GRK1: variants seen among roughly 807,000 people sequenced by gnomAD.
GRK1 encodes G protein-coupled receptor kinase 1, also known as rhodopsin kinase GRK1.
Under a neutral mutation model 41.7 loss-of-function variants are expected in GRK1, and 28 were observed. The observed-to-expected ratio is 0.67, with a 90% CI of 0.50 to 0.92. The LOEUF is 0.92. GRK1 is among the 40% of genes least tolerant of loss of function. GRK1 has a pLI of 0.00. For synonymous variants in GRK1, 327 were observed against 286.7 expected (o/e 1.14, Z -1.42); for missense variants, 703 against 671.2 (o/e 1.05, Z -0.52).
In GRK1 at chr13:113,735,067, G is replaced by A. The variant is rs1250024621; in HGVS notation, c.1397-1G>A. The A allele has an allele frequency of 6.6e-7, 1 of 1,510,138 alleles. No homozygotes were observed. Among genetic ancestry groups the A allele is most frequent in the East Asian group, 2.5e-5 (1 of 40,116 alleles). The allele number at this position is 1,510,138 out of a possible 1,614,324, so 93.5% of individuals were successfully genotyped here. ...GCGTCTGTGTTTTCTGTCTCCCACA[G>A]GGATGCTGATGCCCCCTTTCATCCC... is the stretch of plus-strand genomic sequence containing the variant. On this transcript the variant is annotated splice_acceptor_variant, in intron 6 of 6. Transcript: ENST00000335678. LOFTEE classifies it high-confidence loss of function.
chr13:113,658,689 G>A, the GRK1 span, among the ~76,000 whole-genome samples: 1 of 152,210 alleles, frequency 6.6e-6, no homozygotes, highest in African/African-American at 2.4e-5. Flanking sequence ...CCTGGCAGCT[G>A]GAGCTGGGTT....
rs1302693856 is a variant in GRK1 at position 113,671,719 on chromosome 13, G to C, written c.985+63G>C. 1 of 700,406 alleles carries C rather than the reference G, an allele frequency of 1.4e-6. No homozygotes were observed. The highest frequency in any genetic ancestry group is 2.6e-6 in the Non-Finnish European group (1 of 384,886). The allele number at this position is 700,406 out of a possible 1,614,324, so 43.4% of individuals were successfully genotyped here. On this transcript the variant is annotated intron_variant, in intron 3 of 6. Coordinates refer to ENST00000335678, the MANE Select transcript of GRK1 (RefSeq NM_002929.3). This position sits in a 1 kb window ranked among gnomAD's most constrained non-coding sequence, Gnocchi z 4.1. ...GAGGAGGGCGGGGCGCAGCTTCCTTGGGGGTCTCTGCACAACCTCACGAGG... is the reference window on the plus strand; with the variant it reads ...GAGGAGGGCGGGGCGCAGCTTCCTTCGGGGTCTCTGCACAACCTCACGAGG...
the GRK1 span, among the ~76,000 whole-genome samples, chr13:113,654,270 G>A: frequency 6.6e-6 from 1 of 152,198 alleles, no homozygotes; most frequent in Non-Finnish European, 1.5e-5. Flanking sequence ...GAGGGAAAAG[G>A]AGGTTCTGCA....
At position 113,671,466 on chromosome 13, in the gene GRK1, C is replaced by T. The variant is rs1260398840; in HGVS notation, c.828-33C>T. 6 of 777,116 alleles carry T rather than the reference C, an allele frequency of 7.7e-6. No homozygotes were observed. Among genetic ancestry groups the T allele is most frequent in the South Asian group, 2.7e-5 (2 of 74,578 alleles). 48.1% of individuals were successfully genotyped at this position (777,116 alleles called of 1,614,324 possible). ...CCATGATTTTACTCCCCATTAAACCCGGGGTGCATGGTTCCCACGTGTCTT... is the reference window on the plus strand; with the variant it reads ...CCATGATTTTACTCCCCATTAAACCTGGGGTGCATGGTTCCCACGTGTCTT... On this transcript the variant is annotated intron_variant, in intron 2 of 6. Coordinates refer to ENST00000335678, the MANE Select transcript of GRK1 (RefSeq NM_002929.3). This position sits in a 1 kb window ranked among gnomAD's most constrained non-coding sequence, Gnocchi z 4.1.
rs747218868 is a variant in GRK1 at position 113,733,748 on chromosome 13, CAT to C, written c.1396+664_1396+665del. ...GTGCGCGCGTGTGTATGTGTGCATACATGTGTGTGCGTGTGTATGTGTGTGCA... is the reference window on the plus strand; with the variant it reads ...GTGCGCGCGTGTGTATGTGTGCATACGTGTGTGCGTGTGTATGTGTGTGCA... On this transcript the variant is annotated intron_variant, in intron 6 of 6. Transcript: ENST00000335678. 5.5e-3 allele frequency among the ~76,000 whole-genome samples: 640 copies of C among 116,538 alleles called. 13 individuals carry two copies. The highest frequency in any genetic ancestry group is 0.022 in the African/African-American group (553 of 25,614). The allele number at this position is 116,538 out of a possible 152,430, so 76.5% of individuals were successfully genotyped here.
chr13:113,653,185 C>T, the GRK1 span: 176 of 1,427,722 alleles, frequency 1.2e-4, no homozygotes, highest in African/African-American at 3.8e-4. Context: ...TAGAAAAGGC[C>T]GAAGCTGTGG....
chr13:113,733,902 TGTGCATACA>T (rs1188617118), intron 6 of GRK1, among the ~76,000 whole-genome samples: 2 of 121,300 alleles, frequency 1.6e-5, no homozygotes, highest in Non-Finnish European at 1.6e-5. Context: ...TGTGTGTATG[TGTGCATACA>T]GTGTGCGTGT....
intron 6 of GRK1, among the ~76,000 whole-genome samples, chr13:113,734,056 G>C (rs377674534): frequency 0.13 from 19,104 of 151,324 alleles, 1,380 homozygotes; most frequent in Middle Eastern, 0.22. Context: ...GCATACGTGT[G>C]TGTGCATGTG....
chr13:113,671,637 C>T lies in GRK1; in HGVS notation c.966C>T (p.Asn322=), dbSNP rs753093641. Residue 322 remains asparagine, a synonymous_variant, in exon 3 of 7, where the codon AAC becomes AAT. Transcript: ENST00000335678. This position sits in a 1 kb window ranked among gnomAD's most constrained non-coding sequence, Gnocchi z 4.1. The part of the protein sequence containing the change: ...RIVYRDLKPE[N]VLLDNDGNVR... Reference sequence around the variant, plus strand: ...TCTACCGCGACCTCAAGCCCGAGAACGTGCTGCTGGACAATGACGGTAGGA... The same window carrying T: ...TCTACCGCGACCTCAAGCCCGAGAATGTGCTGCTGGACAATGACGGTAGGA... The T allele has an allele frequency of 5.1e-5, 39 of 766,490 alleles. No individual in the cohort carries two copies. Among genetic ancestry groups the T allele is most frequent in the South Asian group, 3.5e-4 (26 of 74,242 alleles). The allele number at this position is 766,490 out of a possible 1,614,324, so 47.5% of individuals were successfully genotyped here. A position where few individuals can be genotyped will look rare whatever the true frequency, so the allele number is the denominator to read the frequency against.
the GRK1 span, chr13:113,650,535 C>A: frequency 1.3e-6 from 2 of 1,584,468 alleles, no homozygotes; most frequent in South Asian, 1.1e-5. This position sits in a 1 kb window ranked among gnomAD's most constrained non-coding sequence, Gnocchi z 5.0. Context: ...CTGCCTGAGT[C>A]AGGCGGGAGC....
intron 6 of GRK1, among the ~76,000 whole-genome samples, chr13:113,733,955 CATACGT>C (rs1566700456): frequency 1.5e-4 from 18 of 119,876 alleles, no homozygotes; most frequent in African/African-American, 5.4e-4. Context: ...CGTGTGTGTG[CATACGT>C]GTGTGTGCGT....
intron 4 of GRK1, among the ~76,000 whole-genome samples, chr13:113,727,539 A>C (rs2049897078): frequency 1.3e-5 from 2 of 151,910 alleles, no homozygotes; most frequent in African/African-American, 4.8e-5. Context: ...ATGAGTACCC[A>C]TGGCAATGAG....
chr13:113,651,773 C>G, the GRK1 span: 4 of 1,602,942 alleles, frequency 2.5e-6, no homozygotes, highest in African/African-American at 5.3e-5. Context: ...CCCCCACCGC[C>G]ATGTGAGGTG....
intron 3 of GRK1, among the ~76,000 whole-genome samples, chr13:113,672,431 GGT>G (rs1436773122): frequency 6.6e-6 from 1 of 151,980 alleles, no homozygotes; most frequent in African/African-American, 2.4e-5. Context: ...TTCGTGGTGT[GGT>G]GTGTGTGGTA....
At chr13:113,655,037 T>G in the GRK1 span, 1 of 1,511,858 alleles carries the variant, frequency 6.6e-7, no homozygotes, top group Non-Finnish European at 9.0e-7. Context: ...GGCGTGACCA[T>G]CTTCCCTACC....
upstream of GRK1, among the ~76,000 whole-genome samples, chr13:113,664,102 T>C (rs1286458175): frequency 6.6e-6 from 1 of 152,132 alleles, no homozygotes; most frequent in Non-Finnish European, 1.5e-5. The surrounding 1 kb of genome is among the most constrained non-coding windows in gnomAD (Gnocchi z 5.4). Context: ...AGGGAATGGC[T>C]GACACCTGGG....
Position 113,667,766 on chromosome 13 carries a change from A to T in GRK1, c.380A>T (p.Asp127Val). ...GCCAAACTCTTCTGCAGCTTCCTGG[A>T]TGAGGGGATAGTGGCGAAGTTTAAG... The part of the protein sequence containing the change: ...PQAKLFCSFL[D>V]EGIVAKFKEG... Residue 127 changes from aspartate to valine, a missense_variant, in exon 1 of 7, where the codon GAT (aspartate) becomes GTT (valine). Transcript: ENST00000335678. The surrounding 1 kb of genome is among the most constrained non-coding windows in gnomAD (Gnocchi z 7.5). 1 of 1,613,254 alleles carries T rather than the reference A, an allele frequency of 6.2e-7. No individual in the cohort carries two copies. The highest frequency in any genetic ancestry group is 1.1e-5 in the South Asian group (1 of 91,060).
In GRK1 at chr13:113,733,006, G is replaced by A. The variant is rs1346575868; in HGVS notation, c.1317G>A (p.Leu439=). The A allele has an allele frequency of 1.3e-6, 2 of 1,537,128 alleles. No individual in the cohort carries two copies. The highest frequency in any genetic ancestry group is 1.7e-6 in the Non-Finnish European group (2 of 1,146,902). Residue 439 remains leucine, a synonymous_variant, in exon 6 of 7, where the codon CTG becomes CTA. Transcript: ENST00000335678. ...TGGAGAAGGACCCGGAGAAGCGCCT[G>A]GGGTTCAGAGATGAGACCTGCGACA... ...ALLEKDPEKR[L]GFRDETCDKL...
intron 4 of GRK1, among the ~76,000 whole-genome samples, chr13:113,723,832 C>T (rs575624427): frequency 1.3e-5 from 2 of 150,992 alleles, no homozygotes; most frequent in East Asian, 3.9e-4. Context: ...GCCTGTGTCT[C>T]TGTGCACACG....
Sources: gnomAD v4.1 joint callset for allele counts (sites outside exome capture counted in the v4.1 genomes callset) on GRCh38, gnomAD v4.1.1 for gene constraint, Gnocchi (gnomAD v3.1) non-coding constraint, MANE v1.5 for transcripts, NCBI Gene and HGNC (gene_info 2026-07-23, HGNC 2026-07-21) for gene names.